Variants in ARMC2 observed in about 807,000 individuals in gnomAD.
ARMC2 encodes armadillo repeat containing 2.
A neutral mutation model predicts 90.3 loss-of-function variants in ARMC2; 67 were observed. That is an observed-to-expected ratio of 0.74 (90% confidence interval 0.61 to 0.91). ARMC2 has a LOEUF of 0.91. ARMC2 is among the 40% of genes least tolerant of loss of function. The pLI, the probability that ARMC2 is intolerant of heterozygous loss-of-function variation, is 0.00. For synonymous variants in ARMC2, 393 were observed against 393.0 expected (o/e 1.00, Z 0.00); for missense variants, 920 against 1,030.9 (o/e 0.89, Z 1.47).
the ARMC2 span, chr6:109,000,533 C>G: frequency 6.2e-7 from 1 of 1,610,570 alleles, no homozygotes; most frequent in Non-Finnish European, 8.5e-7. Context: ...TATGGGCTAA[C>G]ACTTTGTTAA....
chr6:108,980,510 GTTCTCCT>G, the ARMC2 span, among the ~76,000 whole-genome samples: 1 of 151,776 alleles, frequency 6.6e-6, no homozygotes, highest in African/African-American at 2.4e-5. Flanking sequence ...CTCCTCAGGA[GTTCTCCT>G]GAGGAGAACG....
the ARMC2 span, among the ~76,000 whole-genome samples, chr6:109,017,485 C>T: frequency 6.6e-6 from 1 of 152,104 alleles, no homozygotes; most frequent in South Asian, 2.1e-4. Context: ...CGGGGTTTCA[C>T]CATGTTAGCC....
At chr6:108,969,768 G>A (rs1327978171) in intron 17 of ARMC2, among the ~76,000 whole-genome samples, 1 of 152,192 alleles carries the variant, frequency 6.6e-6, no homozygotes, top group African/African-American at 2.4e-5. Context: ...AAGGCTGAGT[G>A]CAATGGCTCA....
At chr6:109,044,891 C>T in the ARMC2 span, among the ~76,000 whole-genome samples, 78 of 152,118 alleles carry the variant, frequency 5.1e-4, no homozygotes, top group African/African-American at 1.9e-3. Context: ...AGCGTGGTGG[C>T]GCATGCCTGT....
intron 4 of ARMC2, among the ~76,000 whole-genome samples, chr6:108,873,128 C>T (rs1207467843): frequency 6.6e-6 from 1 of 152,212 alleles, no homozygotes; most frequent in African/African-American, 2.4e-5. Context: ...TGCTCAGCCT[C>T]CTCCGTTTTG....
chr6:108,869,998 T>G (rs1776227472), intron 4 of ARMC2, among the ~76,000 whole-genome samples: 1 of 152,212 alleles, frequency 6.6e-6, no homozygotes, highest in Non-Finnish European at 1.5e-5. Context: ...AGACTTTACT[T>G]CGGTCTTCAG....
intron 8 of ARMC2, among the ~76,000 whole-genome samples, chr6:108,909,919 T>C (rs1363070356): frequency 6.6e-6 from 1 of 152,184 alleles, no homozygotes; most frequent in African/African-American, 2.4e-5. Context: ...TATATGTATA[T>C]TATCAAATTA....
At chr6:108,885,678 A>C (rs558975299) in intron 5 of ARMC2, among the ~76,000 whole-genome samples, 3 of 151,754 alleles carry the variant, frequency 2.0e-5, no homozygotes, top group Non-Finnish European at 4.4e-5. Context: ...TGTCGCAAAA[A>C]AAAAAAGAAA....
intron 10 of ARMC2, among the ~76,000 whole-genome samples, chr6:108,920,674 G>A (rs1245123113): frequency 6.6e-6 from 1 of 152,144 alleles, no homozygotes; most frequent in African/African-American, 2.4e-5. Flanking sequence ...TGGGGATAAA[G>A]TTATCACCGT....
chr6:108,945,569 T>C (rs1179752790), intron 12 of ARMC2, among the ~76,000 whole-genome samples: 3 of 152,258 alleles, frequency 2.0e-5, no homozygotes, highest in Admixed American at 1.3e-4. Context: ...TTGCAAACCC[T>C]GGGAACTGCC....
chr6:108,913,257 T>C (rs1158953888), intron 10 of ARMC2, among the ~76,000 whole-genome samples: 1 of 152,232 alleles, frequency 6.6e-6, no homozygotes, highest in Non-Finnish European at 1.5e-5. Context: ...ATTCATAGGA[T>C]TCGAAATGTG....
At chr6:108,934,195 A>G (rs1775792525) in intron 11 of ARMC2, among the ~76,000 whole-genome samples, 2 of 152,138 alleles carry the variant, frequency 1.3e-5, no homozygotes, top group South Asian at 4.1e-4. Flanking sequence ...TTTACCATGA[A>G]GGAGTGTTGA....
intron 5 of ARMC2, among the ~76,000 whole-genome samples, chr6:108,884,654 G>T (rs768637025): frequency 6.6e-6 from 1 of 152,196 alleles, no homozygotes; most frequent in Non-Finnish European, 1.5e-5. Context: ...GCAAGCCATA[G>T]CGCTGAGCAG....
chr6:108,944,332 A>G (rs896799393), intron 12 of ARMC2, among the ~76,000 whole-genome samples: 9 of 152,208 alleles, frequency 5.9e-5, no homozygotes, highest in African/African-American at 1.9e-4. Context: ...TTAGCTGGAG[A>G]ACACAGGATG....
chr6:108,945,115 A>G (rs1444802345), intron 12 of ARMC2, among the ~76,000 whole-genome samples: 4 of 152,074 alleles, frequency 2.6e-5, no homozygotes, highest in Non-Finnish European at 4.4e-5. Context: ...ATGTGCACAT[A>G]TTGTCTGCTT....
intron 5 of ARMC2, among the ~76,000 whole-genome samples, chr6:108,888,807 G>A (rs1213047974): frequency 6.6e-6 from 1 of 152,174 alleles, no homozygotes; most frequent in Non-Finnish European, 1.5e-5. Flanking sequence ...CCTCTTGAAT[G>A]TGTTCCTTCT....
rs773987157 is a variant in ARMC2, at chr6:108,912,407, C to G, written c.1199C>G (p.Ser400Cys). 1.2e-6 allele frequency: 2 copies of G among 1,613,734 alleles called. No homozygotes were observed. Among genetic ancestry groups the G allele is most frequent in the Admixed American group, 3.3e-5 (2 of 59,998 alleles). Residue 400 changes from serine to cysteine, a missense_variant, in exon 10 of 18, where the codon TCT becomes TGT. Ser to Cys is a moderately radical substitution (Grantham distance 112). Transcript: ENST00000392644. ...NMEAFLYCMGSIKFISGNLGF... is the reference protein window; with the variant it reads ...NMEAFLYCMGCIKFISGNLGF... ...GAAGCTTTTTTATACTGTATGGGGT[C>G]TATAAAGTTCATTTCTGGAAATCTG... is the stretch of plus-strand genomic sequence containing the variant.
chr6:108,848,525 C>T lies in ARMC2; in HGVS notation c.-65C>T, dbSNP rs1773660825. The T allele has an allele frequency of 6.6e-6, 1 of 152,366 alleles. No homozygotes were observed. Among genetic ancestry groups the T allele is most frequent in the Admixed American group, 6.5e-5 (1 of 15,292 alleles). The allele number at this position is 152,366 out of a possible 1,614,324, so 9.4% of individuals were successfully genotyped here. A position where few individuals can be genotyped will look rare whatever the true frequency, so the allele number is the denominator to read the frequency against. On this transcript the variant is annotated 5_prime_UTR_variant, in exon 1 of 18. Coordinates refer to ENST00000392644, the MANE Select transcript of ARMC2 (RefSeq NM_032131.6). ...GATGAATTGAACCTCGCAGCCGCTG[C>T]TATCTCCAGTGCTCATCACAGGTGC...
the ARMC2 span, chr6:108,992,868 T>C: frequency 1.9e-6 from 3 of 1,613,322 alleles, no homozygotes; most frequent in East Asian, 4.5e-5. Context: ...AATGACGAGA[T>C]ACAGCTCTTG....
Sources: gnomAD v4.1 joint callset for allele counts (sites outside exome capture counted in the v4.1 genomes callset) on GRCh38, gnomAD v4.1.1 for gene constraint, MANE v1.5 for transcripts, NCBI Gene and HGNC (gene_info 2026-07-23, HGNC 2026-07-21) for gene names.